Variants in SLC37A2 observed in about 807,000 individuals in gnomAD.
SLC37A2 encodes solute carrier family 37 member 2.
Under a neutral mutation model 70.7 loss-of-function variants are expected in SLC37A2, and 59 were observed. The observed-to-expected ratio is 0.83, with a 90% CI of 0.68 to 1.04. SLC37A2 has a LOEUF of 1.04. Among genes scored for constraint, SLC37A2 ranks in the 50% least tolerant of loss-of-function variants. The pLI, the probability that SLC37A2 is intolerant of heterozygous loss-of-function variation, is 0.00. For synonymous variants in SLC37A2, 257 were observed against 262.1 expected (o/e 0.98, Z 0.19); for missense variants, 580 against 658.1 (o/e 0.88, Z 1.30).
chr11:125,088,191 C>T lies in SLC37A2; in HGVS notation c.*57C>T, dbSNP rs2135580056. 4 of 1,540,272 alleles carry T rather than the reference C, an allele frequency of 2.6e-6. No homozygotes were observed. In the Admixed American group the frequency reaches 5.9e-5, roughly 23 times the overall value. ...CCAGTTGGGTCCCCAACGTGCTCCC[C>T]ATGGGCAAGACAATGGAAACTTCCA... On this transcript the variant is annotated 3_prime_UTR_variant, in exon 18 of 18. Coordinates refer to ENST00000403796, the MANE Select transcript of SLC37A2 (RefSeq NM_001145290.2).
rs775079404 is a variant in SLC37A2, at chr11:125,076,842, AG to A, written c.141+6del. On this transcript the variant is annotated splice_donor_5th_base_variant and intron_variant, in intron 2 of 17. Transcript: ENST00000403796. ...GAAGCCTATCAGTATCGTCAAGGTG[AG>A]GCTGGCTGGCAGCAAGGAAGAGTGC... 8 of 1,613,862 alleles carry A rather than the reference AG, an allele frequency of 5.0e-6. No homozygotes were observed. The South Asian group carries it at 6.6e-5, about 13-fold the overall frequency.
chr11:125,074,324 T>C (rs1259309961), intron 1 of SLC37A2, among the ~76,000 whole-genome samples: 5 of 151,880 alleles, frequency 3.3e-5, no homozygotes, highest in African/African-American at 2.4e-5. Flanking sequence ...GGTCTAACTG[T>C]CTCCCTGCTG....
At chr11:125,078,018 A>T (rs929446311) in intron 4 of SLC37A2, among the ~76,000 whole-genome samples, 1 of 152,142 alleles carries the variant, frequency 6.6e-6, no homozygotes, top group Non-Finnish European at 1.5e-5. Flanking sequence ...GGTGGCCATC[A>T]TGTGTTCTAG....
chr11:125,071,124 G>T (rs748411392), intron 1 of SLC37A2, among the ~76,000 whole-genome samples: 1 of 152,160 alleles, frequency 6.6e-6, no homozygotes, highest in Non-Finnish European at 1.5e-5. Context: ...CAGACACTAA[G>T]TTGGTGTGTG....
At chr11:125,073,028 CA>C (rs939554346) in intron 1 of SLC37A2, among the ~76,000 whole-genome samples, 1 of 152,158 alleles carries the variant, frequency 6.6e-6, no homozygotes, top group African/African-American at 2.4e-5. Context: ...TCTTGGGTGT[CA>C]GGGTTTCTAC....
chr11:125,063,828 G>A lies in SLC37A2; in HGVS notation c.59+402G>A, dbSNP rs2135555544. ...AGGCCAGGGGATGGTAGAGGAAAGGGGTTGCCACTGGGGTTTGTGAGTGTC... is the reference window on the plus strand; with the variant it reads ...AGGCCAGGGGATGGTAGAGGAAAGGAGTTGCCACTGGGGTTTGTGAGTGTC... On this transcript the variant is annotated intron_variant, in intron 1 of 17. Coordinates refer to ENST00000403796, the MANE Select transcript of SLC37A2 (RefSeq NM_001145290.2). This position sits in a 1 kb window ranked among gnomAD's most constrained non-coding sequence, Gnocchi z 5.4. 6.6e-6 allele frequency among the ~76,000 whole-genome samples: 1 copy of A among 152,366 alleles called. No homozygotes were observed. Among genetic ancestry groups the A allele is most frequent in the South Asian group, 2.1e-4 (1 of 4,828 alleles).
chr11:125,081,333 T>G (rs1946183998), intron 7 of SLC37A2, 88 bp from the exon 8 acceptor site: 9 of 1,271,248 alleles, frequency 7.1e-6, no homozygotes, highest in Non-Finnish European at 9.6e-6. Flanking sequence ...ATGGCTTAGA[T>G]CCAGTGCAAG....
chr11:125,089,826 AC>A lies in SLC37A2; in HGVS notation c.*1697del. On this transcript the variant is annotated 3_prime_UTR_variant, in exon 18 of 18. Coordinates refer to ENST00000403796, the MANE Select transcript of SLC37A2 (RefSeq NM_001145290.2). Reference sequence around the variant, plus strand: ...GGCCCGAGCCTCCCCGACGAGTACCACCCCCTGCTCCAGGGCGCCCAGTCCC... The same window carrying A: ...GGCCCGAGCCTCCCCGACGAGTACCACCCCTGCTCCAGGGCGCCCAGTCCC... 1.2e-5 allele frequency: 2 copies of A among 166,648 alleles called. No homozygotes were observed. Among genetic ancestry groups the A allele is most frequent in the Non-Finnish European group, 1.3e-5 (1 of 75,668 alleles). 10.3% of individuals were successfully genotyped at this position (166,648 alleles called of 1,614,324 possible).
In SLC37A2 at chr11:125,082,290, G is replaced by C. The variant is rs751795838; in HGVS notation, c.932G>C (p.Ser311Thr). ...TGTCTGCTGTTTGCCAAGCTGGTCAGTTACACCTTCCTCTACTGGCTGCCC... is the reference window on the plus strand; with the variant it reads ...TGTCTGCTGTTTGCCAAGCTGGTCACTTACACCTTCCTCTACTGGCTGCCC... ...SLCLLFAKLV[S>T]YTFLYWLPLY... The change falls in exon 10 of 18, where the codon AGT becomes ACT. Residue 311 changes from serine (S) to threonine (T), a missense_variant. By Grantham distance (58) the Ser-to-Thr change is moderately conservative. Coordinates refer to ENST00000403796, the MANE Select transcript of SLC37A2 (RefSeq NM_001145290.2). The C allele has an allele frequency of 6.2e-7, 1 of 1,614,024 alleles. No homozygotes were observed. Among genetic ancestry groups the C allele is most frequent in the South Asian group, 1.1e-5 (1 of 91,076 alleles).
chr11:125,070,230 C>T (rs1009429671), intron 1 of SLC37A2, among the ~76,000 whole-genome samples: 3 of 152,168 alleles, frequency 2.0e-5, no homozygotes, highest in Non-Finnish European at 2.9e-5. Context: ...CTGCAAAAGG[C>T]CACAGCTGAG....
Position 125,088,178 on chromosome 11 carries a change from C to T in SLC37A2, c.*44C>T, listed in dbSNP as rs768904202. On this transcript the variant is annotated 3_prime_UTR_variant, in exon 18 of 18. Transcript: ENST00000403796. ...AGCATGGAGGGTCCCAGTTGGGTCC[C>T]CAACGTGCTCCCCATGGGCAAGACA... is the stretch of plus-strand genomic sequence containing the variant. The T allele has an allele frequency of 3.9e-6, 6 of 1,548,758 alleles. No individual in the cohort carries two copies. Among genetic ancestry groups the T allele is most frequent in the African/African-American group, 2.7e-5 (2 of 72,886 alleles).
intron 8 of SLC37A2, 34 bp from the exon 9 acceptor site, chr11:125,081,720 C>A: frequency 6.5e-7 from 1 of 1,534,896 alleles, no homozygotes; most frequent in South Asian, 1.3e-5. Context: ...AGCACATGGA[C>A]GCACCCACAG....
chr11:125,066,055 C>G (rs1354274711), intron 1 of SLC37A2, among the ~76,000 whole-genome samples: 1 of 152,214 alleles, frequency 6.6e-6, no homozygotes, highest in Non-Finnish European at 1.5e-5. Flanking sequence ...GTGATTAATT[C>G]TGTCCCGCTG....
At chr11:125,073,974 T>C (rs1370853426) in intron 1 of SLC37A2, among the ~76,000 whole-genome samples, 1 of 152,202 alleles carries the variant, frequency 6.6e-6, no homozygotes, top group East Asian at 1.9e-4. Flanking sequence ...AGAGATAGCC[T>C]AAATGCCACA....
chr11:125,064,278 A>C (rs1210040740), intron 1 of SLC37A2, among the ~76,000 whole-genome samples: 3 of 152,170 alleles, frequency 2.0e-5, no homozygotes, highest in Non-Finnish European at 4.4e-5. Context: ...GGAGAATTAC[A>C]TGAGGCCAGG....
At chr11:125,087,085 C>T (rs1949226167) in intron 17 of SLC37A2, 1 of 153,018 alleles carries the variant, frequency 6.5e-6, no homozygotes, top group African/African-American at 2.4e-5. Flanking sequence ...GTTCCTGTGC[C>T]TGTGCTCCTT....
chr11:125,063,500 G>C lies in SLC37A2; in HGVS notation c.59+74G>C. On this transcript the variant is annotated intron_variant, in intron 1 of 17. Coordinates refer to ENST00000403796, the MANE Select transcript of SLC37A2 (RefSeq NM_001145290.2). The surrounding 1 kb of genome is among the most constrained non-coding windows in gnomAD (Gnocchi z 5.4). The stretch of plus-strand genomic sequence containing the variant: ...GCTTGCAGGGGCCGCGGGGGGCCTC[G>C]GAGATCACCCCAGATCGGCCCCGGC... The C allele has an allele frequency of 7.2e-7, 1 of 1,397,654 alleles. No homozygotes were observed. The highest frequency in any genetic ancestry group is 9.9e-7 in the Non-Finnish European group (1 of 1,013,150). The allele number at this position is 1,397,654 out of a possible 1,614,324, so 86.6% of individuals were successfully genotyped here.
Position 125,081,473 on chromosome 11 carries a change from TC to T in SLC37A2, c.732+18del, listed in dbSNP as rs778288386. Reference sequence around the variant, plus strand: ...CTCAGCACCACGTGAGTGTGAGCCCTCCCAGCCCTATCCCTGCCCTCCAACT... The same window carrying T: ...CTCAGCACCACGTGAGTGTGAGCCCTCCAGCCCTATCCCTGCCCTCCAACT... On this transcript the variant is annotated intron_variant, in intron 8 of 17. Transcript: ENST00000403796. The T allele has an allele frequency of 6.2e-7, 1 of 1,606,548 alleles. No homozygotes were observed. The highest frequency in any genetic ancestry group is 1.3e-5 in the African/African-American group (1 of 74,698).
At chr11:125,067,003 A>C (rs936402039) in intron 1 of SLC37A2, among the ~76,000 whole-genome samples, 1 of 145,396 alleles carries the variant, frequency 6.9e-6, no homozygotes, top group Non-Finnish European at 1.5e-5. Context: ...TTTTCGAGAC[A>C]AAGTCTTGCT....
Sources: gnomAD v4.1 joint callset for allele counts (sites outside exome capture counted in the v4.1 genomes callset) on GRCh38, gnomAD v4.1.1 for gene constraint, Gnocchi (gnomAD v3.1) non-coding constraint, MANE v1.5 for transcripts, NCBI Gene and HGNC (gene_info 2026-07-23, HGNC 2026-07-21) for gene names.